ACOT13: variants seen among roughly 807,000 people sequenced by gnomAD.
The protein encoded by ACOT13 is acyl-coenzyme A thioesterase 13.
Under a neutral mutation model 11.8 loss-of-function variants are expected in ACOT13, and 10 were observed. The observed-to-expected ratio is 0.85, with a 90% CI of 0.53 to 1.44. The LOEUF is 1.44. Among genes scored for constraint, ACOT13 ranks in the 40% most tolerant of loss-of-function variants. ACOT13 has a pLI of 0.00. For synonymous variants in ACOT13, 53 were observed against 61.0 expected, an observed-to-expected ratio of 0.87 and a Z score of 0.61; for missense variants, 172 against 174.1, an observed-to-expected ratio of 0.99 and a Z score of 0.07.
chr6:24,700,151 A>C (rs1778868708), intron 2 of ACOT13, among the ~76,000 whole-genome samples: 1 of 152,222 alleles, frequency 6.6e-6, no homozygotes, highest in Non-Finnish European at 1.5e-5. Context: ...CGAGGTTCCA[A>C]AACAACAAAA....
At chr6:24,698,118 A>G (rs1295545407) in intron 2 of ACOT13, 51 bp downstream of exon 2, 1 of 1,436,820 alleles carries the variant, frequency 7.0e-7, no homozygotes, top group African/African-American at 1.4e-5. Context: ...AACTGTCTAA[A>G]CAACTGAGAC....
At chr6:24,681,862 A>G (rs1258603662) in intron 1 of ACOT13, among the ~76,000 whole-genome samples, 2 of 152,200 alleles carry the variant, frequency 1.3e-5, no homozygotes, top group Non-Finnish European at 1.5e-5. Context: ...TTTTGGGGCT[A>G]CACTTTCAAG....
chr6:24,672,010 TA>T (rs1778373811), intron 1 of ACOT13, among the ~76,000 whole-genome samples: 1 of 152,196 alleles, frequency 6.6e-6, no homozygotes, highest in South Asian at 2.1e-4. Flanking sequence ...TAAGCCAAAT[TA>T]TGCCATTTTT....
In ACOT13 at chr6:24,703,723, GA is replaced by G; in HGVS notation, c.*2110del. 6.6e-6 allele frequency: 1 copy of G among 152,328 alleles called. No homozygotes were observed. Among genetic ancestry groups the G allele is most frequent in the Admixed American group, 6.5e-5 (1 of 15,298 alleles). The allele number at this position is 152,328 out of a possible 1,614,324, so 9.4% of individuals were successfully genotyped here. A position where few individuals can be genotyped will look rare whatever the true frequency, so the allele number is the denominator to read the frequency against. On this transcript the variant is annotated 3_prime_UTR_variant, in exon 3 of 3. Transcript: ENST00000230048. ...ATCGCCAAGGGAGCTCCTGATAAAG[GA>G]ACAGGGTATTTGCACATTGCTTCCC...
At chr6:24,685,931 A>G (rs545845071) in intron 1 of ACOT13, among the ~76,000 whole-genome samples, 1 of 152,202 alleles carries the variant, frequency 6.6e-6, no homozygotes, top group South Asian at 2.1e-4. Context: ...CATAGCGCAC[A>G]CTTGTAATCC....
chr6:24,700,644 C>T (rs774489833), intron 2 of ACOT13, among the ~76,000 whole-genome samples: 11 of 151,906 alleles, frequency 7.2e-5, no homozygotes, highest in Non-Finnish European at 1.3e-4. Flanking sequence ...CCACGTTGGC[C>T]GGGCTGGTCT....
intron 1 of ACOT13, among the ~76,000 whole-genome samples, chr6:24,670,455 G>A (rs1778342382): frequency 6.6e-6 from 1 of 152,212 alleles, no homozygotes; most frequent in African/African-American, 2.4e-5. Context: ...ACTTTGTAAA[G>A]TGTGAGGCCA....
chr6:24,677,241 T>C (rs987000442), intron 1 of ACOT13, among the ~76,000 whole-genome samples: 1 of 152,224 alleles, frequency 6.6e-6, no homozygotes, highest in African/African-American at 2.4e-5. Flanking sequence ...TTCTATCTTT[T>C]CTTCATTGTC....
chr6:24,698,441 C>T (rs964221055), intron 2 of ACOT13, among the ~76,000 whole-genome samples: 17 of 152,256 alleles, frequency 1.1e-4, no homozygotes, highest in Non-Finnish European at 2.1e-4. Flanking sequence ...AATCCCAGCA[C>T]TTTGGGAGGC....
At chr6:24,668,832 C>A (rs971147634) in intron 1 of ACOT13, among the ~76,000 whole-genome samples, 5 of 152,152 alleles carry the variant, frequency 3.3e-5, no homozygotes, top group African/African-American at 1.2e-4. Flanking sequence ...TAACTTACTT[C>A]TTAGCGTAAT....
rs1341161521 is a variant in ACOT13, at chr6:24,702,387, A to T, written c.*772A>T. On this transcript the variant is annotated 3_prime_UTR_variant, in exon 3 of 3. Coordinates refer to ENST00000230048, the MANE Select transcript of ACOT13 (RefSeq NM_018473.4). The stretch of plus-strand genomic sequence containing the variant: ...TGGCCCCCCAAAGTGCTGGGATTAC[A>T]GGTGTGAGCCAATGTGCCCAGCCTG... 1.3e-5 allele frequency: 2 copies of T among 152,202 alleles called. No homozygotes were observed. Among genetic ancestry groups the T allele is most frequent in the Non-Finnish European group, 2.9e-5 (2 of 68,084 alleles). The allele number at this position is 152,202 out of a possible 1,614,324, so 9.4% of individuals were successfully genotyped here. A position where few individuals can be genotyped will look rare whatever the true frequency, so the allele number is the denominator to read the frequency against.
At chr6:24,677,415 T>C (rs1020213035) in intron 1 of ACOT13, among the ~76,000 whole-genome samples, 2 of 152,172 alleles carry the variant, frequency 1.3e-5, no homozygotes, top group Admixed American at 1.3e-4. Context: ...CACAGTAAGA[T>C]CTCTTCCCTG....
intron 1 of ACOT13, among the ~76,000 whole-genome samples, chr6:24,679,926 G>T (rs1778519653): frequency 6.6e-6 from 1 of 152,150 alleles, no homozygotes; most frequent in African/African-American, 2.4e-5. Context: ...ATGCACTCTG[G>T]CTGGGCCGAA....
intron 2 of ACOT13, 135 bp downstream of exon 2, chr6:24,698,202 T>C (rs1231821523): frequency 3.7e-6 from 3 of 807,118 alleles, no homozygotes; most frequent in Non-Finnish European, 5.3e-6. Flanking sequence ...CCTATAGATT[T>C]TGTCCTAAAA....
intron 1 of ACOT13, among the ~76,000 whole-genome samples, chr6:24,682,855 G>A (rs1778575314): frequency 6.6e-6 from 1 of 152,236 alleles, no homozygotes; most frequent in African/African-American, 2.4e-5. Context: ...GAGGGTTGCT[G>A]TTGCCAGCTT....
intron 1 of ACOT13, among the ~76,000 whole-genome samples, chr6:24,668,287 C>T (rs1412729401): frequency 2.6e-5 from 4 of 152,014 alleles, no homozygotes; most frequent in African/African-American, 9.7e-5. Flanking sequence ...GACACGATCT[C>T]GGCTCACTGC....
chr6:24,679,241 G>A (rs993768803), intron 1 of ACOT13, among the ~76,000 whole-genome samples: 14 of 151,830 alleles, frequency 9.2e-5, no homozygotes, highest in Non-Finnish European at 1.8e-4. Context: ...TTTTTATCCC[G>A]TTTGTCCCAT....
chr6:24,692,588 T>TA (rs1204391427), intron 1 of ACOT13, among the ~76,000 whole-genome samples: 1 of 151,946 alleles, frequency 6.6e-6, no homozygotes, highest in African/African-American at 2.4e-5. Context: ...TGGCTAATTT[T>TA]AAAAAATTTT....
intron 1 of ACOT13, among the ~76,000 whole-genome samples, chr6:24,673,959 A>C (rs1778404221): frequency 6.6e-6 from 1 of 152,226 alleles, no homozygotes; most frequent in Non-Finnish European, 1.5e-5. Context: ...ACATACAAAA[A>C]AAATTTGTTT....
Sources: gnomAD v4.1 joint callset for allele counts (sites outside exome capture counted in the v4.1 genomes callset) on GRCh38, gnomAD v4.1.1 for gene constraint, MANE v1.5 for transcripts, NCBI Gene and HGNC (gene_info 2026-07-23, HGNC 2026-07-21) for gene names.